Variants in ZNF609 observed in about 807,000 individuals in gnomAD.
ZNF609 encodes the protein zinc finger protein 609.
A neutral mutation model predicts 109.5 loss-of-function variants in ZNF609; 11 were observed. The observed-to-expected ratio is 0.10, with a 90% CI of 0.06 to 0.17. The LOEUF (loss-of-function observed/expected upper bound fraction) is 0.17, where lower values mean the gene tolerates loss of function less well. ZNF609 is among the 10% of genes least tolerant of loss of function. The probability of loss-of-function intolerance (pLI) is 1.00; values close to 1 mark genes in which losing one functional copy is unlikely to be tolerated. For synonymous variants in ZNF609, 646 were observed against 662.0 expected (o/e 0.98, Z 0.37); for missense variants, 1,559 against 1,772.4 (o/e 0.88, Z 2.16).
intron 2 of ZNF609, among the ~76,000 whole-genome samples, chr15:64,563,730 C>T (rs755887860): frequency 1.3e-5 from 2 of 151,936 alleles, no homozygotes; most frequent in Non-Finnish European, 2.9e-5. Flanking sequence ...GAGCCAAGAT[C>T]GCGCCATTGT....
chr15:64,460,718 G>GAGCCGT lies in ZNF609; in HGVS notation c.-248_-247insAGCCGT, dbSNP rs1232421874. 1 of 156,926 alleles carries GAGCCGT rather than the reference G, an allele frequency of 6.4e-6. No individual in the cohort carries two copies. Among genetic ancestry groups the GAGCCGT allele is most frequent in the Non-Finnish European group, 1.4e-5 (1 of 73,586 alleles). 9.7% of individuals were successfully genotyped at this position (156,926 alleles called of 1,614,324 possible). A position where few individuals can be genotyped will look rare whatever the true frequency, so the allele number is the denominator to read the frequency against. ...AGAGCCGGAGCCGGAGCCGGAGCCG[G>GAGCCGT]GGTGGGGTGGGGGGGAGGGGCCGCG... On this transcript the variant is annotated 5_prime_UTR_variant, in exon 1 of 10. Transcript: ENST00000326648.
intron 1 of ZNF609, among the ~76,000 whole-genome samples, chr15:64,492,160 T>C (rs966551236): frequency 2.0e-5 from 3 of 151,938 alleles, no homozygotes; most frequent in African/African-American, 7.3e-5. Flanking sequence ...GGAGAATTGC[T>C]TGAAGCCAGG....
chr15:64,555,749 G>T (rs1172642985), intron 2 of ZNF609, among the ~76,000 whole-genome samples: 1 of 151,740 alleles, frequency 6.6e-6, no homozygotes, highest in Non-Finnish European at 1.5e-5. Context: ...GGGCATGGTG[G>T]TGTGTGCCTG....
intron 2 of ZNF609, among the ~76,000 whole-genome samples, chr15:64,539,884 G>T (rs532056611): frequency 1.3e-5 from 2 of 152,128 alleles, no homozygotes; most frequent in African/African-American, 4.8e-5. Flanking sequence ...TGATCAGCCC[G>T]CCCTGGCCTC....
chr15:64,678,845 A>G (rs1896842575), intron 6 of ZNF609, among the ~76,000 whole-genome samples: 1 of 152,246 alleles, frequency 6.6e-6, no homozygotes. Context: ...TGTGGGAGGT[A>G]CAAAAGAAGT....
chr15:64,620,756 A>C lies in ZNF609; in HGVS notation c.748-2071A>C, dbSNP rs80092282. Among the ~76,000 whole-genome samples the C allele has an allele frequency of 5.4e-4, 82 of 152,316 alleles. 1 individual carries two copies. In the East Asian group the frequency reaches 0.013, roughly 24 times the overall value. On this transcript the variant is annotated intron_variant, in intron 2 of 9. Coordinates refer to ENST00000326648, the MANE Select transcript of ZNF609 (RefSeq NM_015042.2). ...TTCTGTGGACTCACAATGATGATCT[A>C]CAAATAGTGATGACTTTCTAAGCCA...
At chr15:64,474,988 C>T (rs988106222) in intron 1 of ZNF609, among the ~76,000 whole-genome samples, 3 of 151,514 alleles carry the variant, frequency 2.0e-5, no homozygotes, top group African/African-American at 7.3e-5. Context: ...GATACGGGCT[C>T]TTGCTATGTT....
In ZNF609 at chr15:64,675,147, G is replaced by A; in HGVS notation, c.2293G>A (p.Gly765Arg). The change falls in exon 5 of 10, where the codon GGA becomes AGA. Residue 765 changes from glycine (G) to arginine (R), a missense_variant. This residue lies in a region of ZNF609 where 1,204 missense variants were observed against 1,314.1 expected (regional missense o/e 0.92). Coordinates refer to ENST00000326648, the MANE Select transcript of ZNF609 (RefSeq NM_015042.2). ...EGKSPFRESS[G>R]DGMKMEGLLN... The stretch of plus-strand genomic sequence containing the variant: ...CAAAAGCCCATTCAGGGAATCTTCA[G>A]GAGATGGGATGAAAATGGAGGGGCT... The A allele has an allele frequency of 6.2e-7, 1 of 1,614,178 alleles. No individual in the cohort carries two copies. Among genetic ancestry groups the A allele is most frequent in the Non-Finnish European group, 8.5e-7 (1 of 1,180,038 alleles).
intron 5 of ZNF609, among the ~76,000 whole-genome samples, chr15:64,677,260 A>G (rs1353686161): frequency 1.3e-5 from 2 of 151,742 alleles, no homozygotes; most frequent in Non-Finnish European, 2.9e-5. Flanking sequence ...GAGGGGTCTC[A>G]CTATGTTGCC....
At chr15:64,619,784 TCTTCA>T (rs1341935223) in intron 2 of ZNF609, among the ~76,000 whole-genome samples, 1 of 152,228 alleles carries the variant, frequency 6.6e-6, no homozygotes, top group African/African-American at 2.4e-5. Flanking sequence ...AAGTTTCTTC[TCTTCA>T]CTTATTGTAT....
chr15:64,667,055 G>A (rs143398643), intron 3 of ZNF609, among the ~76,000 whole-genome samples: 1,799 of 152,026 alleles, frequency 0.012, 22 homozygotes, highest in African/African-American at 0.029. Flanking sequence ...GCGTGAACCC[G>A]GGAGACGGAG....
chr15:64,505,105 T>C (rs1893616697), intron 2 of ZNF609, among the ~76,000 whole-genome samples: 1 of 152,246 alleles, frequency 6.6e-6, no homozygotes, highest in African/African-American at 2.4e-5. Flanking sequence ...TCTTTGAGTT[T>C]AGGATTTTAG....
At chr15:64,588,426 TA>T (rs1167575851) in intron 2 of ZNF609, among the ~76,000 whole-genome samples, 996 of 5,906 alleles carry the variant, frequency 0.17, 111 homozygotes, top group African/African-American at 0.32. Flanking sequence ...ACACTCTGTC[TA>T]AAAAAAAAAA....
Position 64,460,605 on chromosome 15 carries a change from C to T in ZNF609, c.-361C>T, listed in dbSNP as rs565184940. 3 of 160,622 alleles carry T rather than the reference C, an allele frequency of 1.9e-5. No homozygotes were observed. The highest frequency in any genetic ancestry group is 4.0e-5 in the Non-Finnish European group (3 of 75,178). 9.9% of individuals were successfully genotyped at this position (160,622 alleles called of 1,614,324 possible). A position where few individuals can be genotyped will look rare whatever the true frequency, so the allele number is the denominator to read the frequency against. ...TTGTCCCGGATCGCGGCGGCGGCGG[C>T]GGTGGCGGCGGCTGAGGGACCCGCG... On this transcript the variant is annotated 5_prime_UTR_variant, in exon 1 of 10. Coordinates refer to ENST00000326648, the MANE Select transcript of ZNF609 (RefSeq NM_015042.2).
chr15:64,520,435 T>C (rs1033420678), intron 2 of ZNF609, among the ~76,000 whole-genome samples: 31 of 152,196 alleles, frequency 2.0e-4, no homozygotes, highest in African/African-American at 7.0e-4. Flanking sequence ...GTGTTCAGTT[T>C]ATGAAAATGC....
chr15:64,482,657 G>A (rs1316828241), intron 1 of ZNF609, among the ~76,000 whole-genome samples: 1 of 152,100 alleles, frequency 6.6e-6, no homozygotes, highest in Non-Finnish European at 1.5e-5. Flanking sequence ...AGATGATTTG[G>A]TGCCAGTCAT....
intron 2 of ZNF609, among the ~76,000 whole-genome samples, chr15:64,511,839 C>T (rs1464447104): frequency 6.6e-6 from 1 of 151,294 alleles, no homozygotes; most frequent in Non-Finnish European, 1.5e-5. Context: ...CTCAGCCTCT[C>T]GAGTAGCTGG....
At chr15:64,580,057 T>A (rs1895072453) in intron 2 of ZNF609, among the ~76,000 whole-genome samples, 1 of 152,162 alleles carries the variant, frequency 6.6e-6, no homozygotes, top group African/African-American at 2.4e-5. Flanking sequence ...GATTATCCAA[T>A]GGTTCCAATG....
intron 2 of ZNF609, among the ~76,000 whole-genome samples, chr15:64,607,501 A>C (rs1895622498): frequency 7.1e-6 from 1 of 141,728 alleles, no homozygotes. Context: ...CTTAAGGCAT[A>C]CTTTTTTTTT....
Sources: gnomAD v4.1 joint callset for allele counts (sites outside exome capture counted in the v4.1 genomes callset) on GRCh38, gnomAD v4.1.1 for gene constraint, gnomAD v4.1.1 regional missense constraint, MANE v1.5 for transcripts, NCBI Gene and HGNC (gene_info 2026-07-23, HGNC 2026-07-21) for gene names.